SLIT3: variants seen among roughly 807,000 people sequenced by gnomAD.
SLIT3 encodes the protein slit homolog 3 protein.
Under a neutral mutation model 184.0 loss-of-function variants are expected in SLIT3, and 68 were observed. The observed-to-expected ratio is 0.37, with a 90% confidence interval of 0.30 to 0.45. SLIT3 has a LOEUF of 0.45. Ranked by LOEUF, SLIT3 falls within the 20% of genes least tolerant of loss-of-function variation. SLIT3 has a pLI of 1.00. For missense variants in SLIT3, 1,707 were observed against 2,026.0 expected (o/e 0.84, Z 3.02); for synonymous variants, 831 against 828.6 (o/e 1.00, Z -0.05).
intron 10 of SLIT3, among the ~76,000 whole-genome samples, chr5:168,792,873 G>A (rs956329024): frequency 6.6e-6 from 1 of 152,160 alleles, no homozygotes; most frequent in Non-Finnish European, 1.5e-5. Flanking sequence ...GTCACAAGTG[G>A]AAAATTCCAC....
At chr5:168,906,927 C>G (rs1761072606) in intron 4 of SLIT3, among the ~76,000 whole-genome samples, 1 of 151,550 alleles carries the variant, frequency 6.6e-6, no homozygotes, top group Non-Finnish European at 1.5e-5. Context: ...GTGGTGTGAT[C>G]TCGGGTCACT....
intron 4 of SLIT3, among the ~76,000 whole-genome samples, chr5:169,056,792 T>C (rs1758016011): frequency 6.6e-6 from 1 of 152,046 alleles, no homozygotes; most frequent in Admixed American, 6.5e-5. Context: ...GACTTCACAG[T>C]CCCATGGAGG....
chr5:169,006,775 A>G (rs1246365961), intron 4 of SLIT3, among the ~76,000 whole-genome samples: 1 of 152,160 alleles, frequency 6.6e-6, no homozygotes, highest in Non-Finnish European at 1.5e-5. Flanking sequence ...CTGCTTTACC[A>G]GGAAGCCTGA....
intron 4 of SLIT3, among the ~76,000 whole-genome samples, chr5:169,067,457 A>G (rs1475632847): frequency 6.6e-6 from 1 of 152,144 alleles, no homozygotes; most frequent in African/African-American, 2.4e-5. Flanking sequence ...TACCCCACAT[A>G]GGCAGTGTGG....
At chr5:169,254,860 C>T (rs1240659968) in intron 1 of SLIT3, among the ~76,000 whole-genome samples, 1 of 152,218 alleles carries the variant, frequency 6.6e-6, no homozygotes, top group Non-Finnish European at 1.5e-5. Flanking sequence ...CTGGTTATAA[C>T]TTATGAGAAA....
chr5:169,165,004 G>A (rs1762589217), intron 4 of SLIT3, among the ~76,000 whole-genome samples: 1 of 152,248 alleles, frequency 6.6e-6, no homozygotes, highest in African/African-American at 2.4e-5. Context: ...CTTTCAAACA[G>A]TAATGATAAT....
intron 4 of SLIT3, among the ~76,000 whole-genome samples, chr5:169,176,231 G>T (rs1405199725): frequency 6.6e-6 from 1 of 152,128 alleles, no homozygotes. Context: ...GCCTGGATAA[G>T]TCTCCCCAAG....
At chr5:168,918,623 T>C (rs1278154391) in intron 4 of SLIT3, among the ~76,000 whole-genome samples, 1 of 152,176 alleles carries the variant, frequency 6.6e-6, no homozygotes, top group Non-Finnish European at 1.5e-5. Flanking sequence ...TTTGGATCCA[T>C]AAACGGACAT....
rs1041673056 is a variant in SLIT3, at chr5:169,234,595, C to T, written c.341+10110G>A. On this transcript the variant is annotated intron_variant, in intron 3 of 35. Coordinates refer to ENST00000519560, the MANE Select transcript of SLIT3 (RefSeq NM_003062.4). ...ATTTTTTTTTTATTTTTGGTAGAGA[C>T]GAGGTTTCATCGAGGTTGGCCAGGC... Among the ~76,000 whole-genome samples the T allele has an allele frequency of 5.3e-5, 8 of 151,994 alleles. No individual in the cohort carries two copies. The East Asian group carries it at 7.8e-4, about 15-fold the overall frequency.
chr5:168,843,769 C>T (rs748315354), intron 6 of SLIT3, among the ~76,000 whole-genome samples: 7 of 152,160 alleles, frequency 4.6e-5, no homozygotes, highest in Admixed American at 3.9e-4. Flanking sequence ...TGAGAATAAC[C>T]AAAATGTTTT....
At chr5:168,788,169 G>A (rs1303922109) in intron 11 of SLIT3, among the ~76,000 whole-genome samples, 1 of 152,072 alleles carries the variant, frequency 6.6e-6, no homozygotes, top group Non-Finnish European at 1.5e-5. Flanking sequence ...GAGAGGGTGG[G>A]GGCAGAGAAA....
intron 4 of SLIT3, among the ~76,000 whole-genome samples, chr5:169,173,032 G>A (rs931440465): frequency 2.6e-5 from 4 of 152,158 alleles, no homozygotes; most frequent in Non-Finnish European, 5.9e-5. Context: ...AAGGCGCAGA[G>A]GGGTGGATAC....
chr5:168,877,330 T>C (rs975434084), intron 5 of SLIT3, among the ~76,000 whole-genome samples: 6 of 152,034 alleles, frequency 3.9e-5, no homozygotes, highest in African/African-American at 1.2e-4. Flanking sequence ...TAGCATCTTA[T>C]GTTAAGGGAG....
intron 4 of SLIT3, chr5:169,012,335 G>A (rs775984954): frequency 6.6e-5 from 10 of 152,236 alleles, no homozygotes; most frequent in Non-Finnish European, 1.3e-4. Flanking sequence ...GTGTTGGGGT[G>A]AGGATTCTGG....
chr5:168,765,019 T>C (rs775911316), intron 14 of SLIT3, among the ~76,000 whole-genome samples: 6 of 152,166 alleles, frequency 3.9e-5, no homozygotes, highest in Non-Finnish European at 8.8e-5. Flanking sequence ...CGAAGGGGCA[T>C]TGCACACACA....
chr5:168,821,681 T>C (rs1313905864), intron 7 of SLIT3, among the ~76,000 whole-genome samples: 2 of 152,252 alleles, frequency 1.3e-5, no homozygotes, highest in African/African-American at 2.4e-5. Context: ...TTATTCTTTA[T>C]AATAACGAGT....
Position 168,749,652 on chromosome 5 carries a change from G to C in SLIT3, c.1974-17C>G. The C allele has an allele frequency of 1.2e-6, 2 of 1,613,792 alleles. No individual in the cohort carries two copies. Among genetic ancestry groups the C allele is most frequent in the Non-Finnish European group, 8.5e-7 (1 of 1,179,778 alleles). ...AGGAGGTTTCTAGGAAGAGAGAAGG[G>C]TGCTTAGCCTCCATCCTTCTACTGT... On this transcript the variant is annotated splice_polypyrimidine_tract_variant and intron_variant, in intron 18 of 35. Transcript: ENST00000519560.
intron 4 of SLIT3, among the ~76,000 whole-genome samples, chr5:168,972,228 C>T (rs919565871): frequency 1.3e-5 from 2 of 152,010 alleles, no homozygotes. Context: ...GAGAATGGTG[C>T]AGGATGAGGT....
chr5:168,684,158 A>G, intron 31 of SLIT3, 62 bp from the exon 32 acceptor site: 2 of 1,443,038 alleles, frequency 1.4e-6, no homozygotes, highest in African/African-American at 2.9e-5. Flanking sequence ...TTCCCTGCCC[A>G]TCTCACAGAG....
Sources: gnomAD v4.1 joint callset for allele counts (sites outside exome capture counted in the v4.1 genomes callset) on GRCh38, gnomAD v4.1.1 for gene constraint, MANE v1.5 for transcripts, NCBI Gene and HGNC (gene_info 2026-07-23, HGNC 2026-07-21) for gene names.